The following SEMA3E variants were observed in gnomAD, a reference collection of about 807,000 sequenced individuals.
SEMA3E encodes the protein semaphorin-3E.
In SEMA3E, 49 loss-of-function variants were observed where a neutral mutation model predicts 93.6. The ratio of observed to expected loss-of-function variants is 0.52; its 90% CI spans 0.42 to 0.66. The LOEUF (loss-of-function observed/expected upper bound fraction) is 0.66. Among genes scored for constraint, SEMA3E ranks in the 30% least tolerant of loss-of-function variants. The pLI is 0.00. For missense variants in SEMA3E, 906 were observed against 964.8 expected (o/e 0.94, Z 0.81); for synonymous variants, 363 against 330.7 (o/e 1.10, Z -1.06).
intron 1 of SEMA3E, among the ~76,000 whole-genome samples, chr7:83,647,357 A>G (rs1396803559): frequency 6.6e-6 from 1 of 152,168 alleles, no homozygotes; most frequent in African/African-American, 2.4e-5. Flanking sequence ...CTTAGAAAAT[A>G]CAAGCTTCTG....
intron 4 of SEMA3E, among the ~76,000 whole-genome samples, chr7:83,439,831 T>A (rs1460926685): frequency 2.0e-5 from 3 of 152,224 alleles, no homozygotes. Context: ...GATATTATGG[T>A]GGCTTATGCC....
chr7:83,461,154 C>G (rs898760101), intron 4 of SEMA3E, among the ~76,000 whole-genome samples: 17 of 152,158 alleles, frequency 1.1e-4, no homozygotes, highest in Non-Finnish European at 4.4e-5. Context: ...GGCAAACGGT[C>G]TGAGGTGCCT....
chr7:83,638,511 T>A (rs1343525387), intron 1 of SEMA3E, among the ~76,000 whole-genome samples: 2 of 152,216 alleles, frequency 1.3e-5, no homozygotes, highest in Non-Finnish European at 2.9e-5. Context: ...CCATCAATAA[T>A]CTTTAAAAAT....
chr7:83,591,760 A>T (rs1332651596), intron 1 of SEMA3E, among the ~76,000 whole-genome samples: 1 of 152,062 alleles, frequency 6.6e-6, no homozygotes, highest in African/African-American at 2.4e-5. Context: ...GGGTTTTTGA[A>T]AATCATCAAA....
chr7:83,520,033 A>T (rs192699444), intron 1 of SEMA3E, among the ~76,000 whole-genome samples: 1 of 152,194 alleles, frequency 6.6e-6, no homozygotes, highest in Non-Finnish European at 1.5e-5. Flanking sequence ...TAATGTGTAC[A>T]TTACAAATAA....
intron 1 of SEMA3E, among the ~76,000 whole-genome samples, chr7:83,608,521 A>G (rs1370733728): frequency 1.3e-5 from 2 of 152,102 alleles, no homozygotes; most frequent in Non-Finnish European, 2.9e-5. Context: ...GTACATATAT[A>G]ATTCTGAGCT....
At chr7:83,517,755 A>G (rs181289137) in intron 1 of SEMA3E, among the ~76,000 whole-genome samples, 3 of 152,290 alleles carry the variant, frequency 2.0e-5, no homozygotes, top group African/African-American at 7.2e-5. Context: ...CAGAGATCAA[A>G]CTTTAGGCAT....
chr7:83,570,276 G>A (rs59101379), intron 1 of SEMA3E, among the ~76,000 whole-genome samples: 18,835 of 151,986 alleles, frequency 0.12, 1,336 homozygotes, highest in East Asian at 0.19. Flanking sequence ...GTTAGAGGCC[G>A]GGCGCGGTGG....
At chr7:83,493,762 G>A (rs1790432271) in intron 1 of SEMA3E, among the ~76,000 whole-genome samples, 1 of 151,728 alleles carries the variant, frequency 6.6e-6, no homozygotes, top group South Asian at 2.1e-4. Flanking sequence ...TGAATGCCAT[G>A]GTTTATATTT....
chr7:83,433,217 T>TA (rs573293266), intron 4 of SEMA3E, among the ~76,000 whole-genome samples: 82 of 152,238 alleles, frequency 5.4e-4, no homozygotes, highest in South Asian at 5.4e-3. Context: ...GTAAGTGATT[T>TA]AAAAAAATGA....
chr7:83,379,665 GTGTCTAAGGGCCCCAAATTAAAACCAGAC>G (rs1466740220), intron 16 of SEMA3E, among the ~76,000 whole-genome samples: 1 of 151,712 alleles, frequency 6.6e-6, no homozygotes, highest in African/African-American at 2.4e-5. Context: ...TCACTGCATT[GTGTCTAAGGGCCCCAAATTAAAACCAGAC>G]TGTCTGGGCT....
intron 1 of SEMA3E, chr7:83,616,508 C>T (rs891154943): frequency 3.2e-5 from 7 of 222,148 alleles, no homozygotes; most frequent in Admixed American, 1.7e-4. Context: ...AAAAAAATAG[C>T]GGGCAAACTG....
At chr7:83,528,936 G>A (rs1791226018) in intron 1 of SEMA3E, among the ~76,000 whole-genome samples, 1 of 151,984 alleles carries the variant, frequency 6.6e-6, no homozygotes, top group African/African-American at 2.4e-5. Context: ...TGCTCAAGTG[G>A]AGAGGTAAAT....
At chr7:83,477,308 G>T (rs1489899535) in intron 2 of SEMA3E, among the ~76,000 whole-genome samples, 1 of 151,826 alleles carries the variant, frequency 6.6e-6, no homozygotes, top group Non-Finnish European at 1.5e-5. Flanking sequence ...AAAAGTGTTT[G>T]CCTATATTTG....
intron 4 of SEMA3E, among the ~76,000 whole-genome samples, chr7:83,448,945 C>T (rs770183406): frequency 6.6e-6 from 1 of 152,050 alleles, no homozygotes; most frequent in Non-Finnish European, 1.5e-5. Context: ...ACAATTACGT[C>T]TCAAAGCTCA....
rs1462323709 is a variant in SEMA3E at position 83,624,194 on chromosome 7, T to C, written c.115+24234A>G. Among the ~76,000 whole-genome samples, 3 of 152,210 alleles carry C rather than the reference T, an allele frequency of 2.0e-5. No individual in the cohort carries two copies. In the South Asian group the frequency reaches 6.2e-4, roughly 31 times the overall value. The stretch of plus-strand genomic sequence containing the variant: ...GTGCTGCAATAAACATACATGTGCA[T>C]GTGTCTTTATAGTAGAATGATTTAA... On this transcript the variant is annotated intron_variant, in intron 1 of 16. Transcript: ENST00000643230.
At chr7:83,496,163 A>G (rs1047133305) in intron 1 of SEMA3E, among the ~76,000 whole-genome samples, 14 of 151,972 alleles carry the variant, frequency 9.2e-5, no homozygotes, top group African/African-American at 3.4e-4. Context: ...TTCAGTACAG[A>G]GCTAAGGTTA....
chr7:83,497,045 G>A (rs540944063), intron 1 of SEMA3E, among the ~76,000 whole-genome samples: 1 of 152,160 alleles, frequency 6.6e-6, no homozygotes, highest in African/African-American at 2.4e-5. Flanking sequence ...GAGTTCATCC[G>A]GAAATTTTCT....
At chr7:83,463,499 T>C (rs1789678950) in intron 4 of SEMA3E, among the ~76,000 whole-genome samples, 1 of 152,210 alleles carries the variant, frequency 6.6e-6, no homozygotes, top group African/African-American at 2.4e-5. Flanking sequence ...CCGTTGTTGC[T>C]GGCCCAGACT....
Sources: gnomAD v4.1 joint callset for allele counts (sites outside exome capture counted in the v4.1 genomes callset) on GRCh38, gnomAD v4.1.1 for gene constraint, MANE v1.5 for transcripts, NCBI Gene and HGNC (gene_info 2026-07-23, HGNC 2026-07-21) for gene names.